The following DCDC1 variants were observed in gnomAD, a reference collection of about 807,000 sequenced individuals.
DCDC1 encodes the protein doublecortin domain-containing protein 1.
A neutral mutation model predicts 178.3 loss-of-function variants in DCDC1; 200 were observed. The observed-to-expected ratio is 1.12, with a 90% CI of 1.00 to 1.26. The LOEUF (loss-of-function observed/expected upper bound fraction) is 1.26. DCDC1 is among the 50% of genes most tolerant of loss of function. The pLI, the probability that DCDC1 is intolerant of heterozygous loss-of-function variation, is 0.00. For synonymous variants in DCDC1, 690 were observed against 604.8 expected, an observed-to-expected ratio of 1.14 and a Z score of -2.07; for missense variants, 1,983 against 1,749.2, an observed-to-expected ratio of 1.13 and a Z score of -2.38.
intron 25 of DCDC1, among the ~76,000 whole-genome samples, chr11:30,918,733 A>G (rs1946036846): frequency 1.3e-5 from 2 of 152,290 alleles, no homozygotes; most frequent in Admixed American, 6.5e-5. Flanking sequence ...ACAGGTATGC[A>G]GTGAGTGAGG....
intron 20 of DCDC1, among the ~76,000 whole-genome samples, chr11:31,046,422 A>C (rs1320868446): frequency 6.6e-6 from 1 of 152,052 alleles, no homozygotes; most frequent in East Asian, 1.9e-4. Context: ...GCCATATATG[A>C]TGTGTACCAA....
chr11:30,984,393 CAGGT>C (rs1950537754), intron 20 of DCDC1, among the ~76,000 whole-genome samples: 1 of 152,158 alleles, frequency 6.6e-6, no homozygotes, highest in Non-Finnish European at 1.5e-5. Flanking sequence ...CTTGGAAAAA[CAGGT>C]TTTTCTCTCA....
At chr11:31,141,074 A>T (rs1963769237) in intron 9 of DCDC1, among the ~76,000 whole-genome samples, 1 of 152,184 alleles carries the variant, frequency 6.6e-6, no homozygotes, top group African/African-American at 2.4e-5. Context: ...TGCTGGAGAA[A>T]TAAGTCAGAA....
chr11:30,886,349 T>G (rs1166822020), intron 36 of DCDC1, among the ~76,000 whole-genome samples: 1 of 152,174 alleles, frequency 6.6e-6, no homozygotes, highest in Non-Finnish European at 1.5e-5. Flanking sequence ...TCATATGGTT[T>G]TATTTTATTA....
chr11:30,932,459 A>G (rs968231576), intron 21 of DCDC1, among the ~76,000 whole-genome samples: 1 of 152,198 alleles, frequency 6.6e-6, no homozygotes, highest in Non-Finnish European at 1.5e-5. Flanking sequence ...TTCAGTTTGT[A>G]TCAATTTATC....
chr11:30,894,641 A>C (rs1944060753), intron 34 of DCDC1, among the ~76,000 whole-genome samples: 1 of 152,216 alleles, frequency 6.6e-6, no homozygotes, highest in Non-Finnish European at 1.5e-5. Flanking sequence ...GCTGATTTCC[A>C]CACTGGCCCC....
intron 20 of DCDC1, among the ~76,000 whole-genome samples, chr11:31,023,439 C>A (rs1953019154): frequency 6.6e-6 from 1 of 151,500 alleles, no homozygotes. Context: ...TATGTTGGAA[C>A]AAGGAACAAT....
intron 20 of DCDC1, among the ~76,000 whole-genome samples, chr11:30,955,419 CCT>C (rs1431515902): frequency 6.6e-6 from 1 of 152,162 alleles, no homozygotes; most frequent in Non-Finnish European, 1.5e-5. Context: ...CCTCTCTGCT[CCT>C]GTAATTATCC....
chr11:31,159,265 C>A (rs900711409), intron 9 of DCDC1, among the ~76,000 whole-genome samples: 2 of 152,184 alleles, frequency 1.3e-5, no homozygotes, highest in African/African-American at 4.8e-5. Context: ...AAAATAGCTG[C>A]TTTCCTCCAG....
rs533209535 is a variant in DCDC1 at position 31,131,502 on chromosome 11, A to G, written c.1315-3863T>C. 2.0e-5 allele frequency among the ~76,000 whole-genome samples: 3 copies of G among 152,304 alleles called. 1 individual carries two copies. The South Asian group carries it at 6.2e-4, about 32-fold the overall frequency. On this transcript the variant is annotated intron_variant, in intron 10 of 38. Coordinates refer to ENST00000684477, the MANE Select transcript of DCDC1 (RefSeq NM_001387274.1). The stretch of plus-strand genomic sequence containing the variant: ...AGTCTATGCTTTCAGCCTCATTTTC[A>G]CCACCAGATCATACTACCCTCCAGC...
At chr11:31,200,360 T>A (rs1476385197) in intron 9 of DCDC1, among the ~76,000 whole-genome samples, 1 of 152,092 alleles carries the variant, frequency 6.6e-6, no homozygotes, top group Non-Finnish European at 1.5e-5. Flanking sequence ...TAAACATAGC[T>A]TAGATTCACT....
At chr11:31,092,241 A>G (rs1428244762) in intron 16 of DCDC1, among the ~76,000 whole-genome samples, 1 of 152,202 alleles carries the variant, frequency 6.6e-6, no homozygotes, top group East Asian at 1.9e-4. Context: ...CCTTTTTAGC[A>G]TATACTTTAT....
At chr11:31,327,844 T>C (rs1949731137) in intron 3 of DCDC1, among the ~76,000 whole-genome samples, 1 of 151,940 alleles carries the variant, frequency 6.6e-6, no homozygotes, top group Non-Finnish European at 1.5e-5. Context: ...TCTCCTGCCT[T>C]AGCCTTCCGA....
At chr11:31,232,971 C>T (rs1223742400) in intron 9 of DCDC1, among the ~76,000 whole-genome samples, 1 of 151,970 alleles carries the variant, frequency 6.6e-6, no homozygotes, top group Non-Finnish European at 1.5e-5. Flanking sequence ...GCCTGTAACG[C>T]CAGCTACTCG....
chr11:31,230,267 T>C (rs1212812051), intron 9 of DCDC1, among the ~76,000 whole-genome samples: 1 of 151,936 alleles, frequency 6.6e-6, no homozygotes, highest in Non-Finnish European at 1.5e-5. Flanking sequence ...CACTACTGCA[T>C]TGTACACTTA....
intron 21 of DCDC1, 63 bp downstream of exon 21, chr11:30,952,382 T>C: frequency 7.2e-7 from 1 of 1,393,080 alleles, no homozygotes; most frequent in Non-Finnish European, 9.4e-7. Flanking sequence ...GTCAGGAATT[T>C]GACCACACAA....
rs72156406 is a variant in DCDC1 at position 31,315,306 on chromosome 11, C to CTTTTTTTTTTT, written c.165-7409_165-7399dup. Among the ~76,000 whole-genome samples, 8 of 62,140 alleles carry CTTTTTTTTTTT rather than the reference C, an allele frequency of 1.3e-4. 2 individuals carry two copies. Among genetic ancestry groups the CTTTTTTTTTTT allele is most frequent in the Non-Finnish European group, 2.2e-4 (8 of 36,096 alleles). 40.8% of individuals were successfully genotyped at this position (62,140 alleles called of 152,430 possible). On this transcript the variant is annotated intron_variant, in intron 3 of 38. Transcript: ENST00000684477. ...CTTCCATAGTTCCTATTTGCATACC[C>CTTTTTTTTTTT]TTTTTTTTTTTTTTTTTTTTTTTTT...
At chr11:31,195,223 TAA>T (rs760502397) in intron 9 of DCDC1, among the ~76,000 whole-genome samples, 11 of 152,064 alleles carry the variant, frequency 7.2e-5, no homozygotes, top group Non-Finnish European at 1.3e-4. Flanking sequence ...GGACTTCAGT[TAA>T]AGAGTGGATT....
chr11:31,251,596 T>TA (rs1944036585), intron 8 of DCDC1, among the ~76,000 whole-genome samples: 1 of 150,850 alleles, frequency 6.6e-6, no homozygotes, highest in Admixed American at 6.6e-5. Context: ...TAAAACAAAT[T>TA]AAGAGAGAGA....
Sources: allele counts gnomAD v4.1 joint callset (sites outside exome capture counted in the v4.1 genomes callset), GRCh38; gene constraint gnomAD v4.1.1; transcripts MANE v1.5; gene names NCBI Gene and HGNC (gene_info 2026-07-23, HGNC 2026-07-21).